KCNIP3: variants seen among roughly 807,000 people sequenced by gnomAD.
The protein encoded by KCNIP3 is potassium voltage-gated channel interacting protein 3.
A neutral mutation model predicts 35.0 loss-of-function variants in KCNIP3; 28 were observed. That is an observed-to-expected ratio of 0.80 (90% CI 0.59 to 1.10). KCNIP3 has a LOEUF of 1.10. Among genes scored for constraint, KCNIP3 ranks in the 50% least tolerant of loss-of-function variants. The pLI is 0.00. For synonymous variants in KCNIP3, 134 were observed against 133.8 expected (o/e 1.00, Z -0.01); for missense variants, 295 against 338.4 (o/e 0.87, Z 1.01).
Position 95,340,260 on chromosome 2 carries a change from T to C in KCNIP3, c.181+29740T>C, listed in dbSNP as rs1679162548. Among the ~76,000 whole-genome samples the C allele has an allele frequency of 2.0e-5, 3 of 152,134 alleles. No individual in the cohort carries two copies. In the South Asian group the frequency reaches 6.2e-4, roughly 32 times the overall value. The stretch of plus-strand genomic sequence containing the variant: ...GTGCGGCAGGAGAATCACTTGAACC[T>C]GGGAGGCAGAGGTTGCAGTGAGCTG... On this transcript the variant is annotated intron_variant, in intron 2 of 8. Transcript: ENST00000295225.
At chr2:95,372,433 C>G (rs983722399) in intron 2 of KCNIP3, among the ~76,000 whole-genome samples, 2 of 152,156 alleles carry the variant, frequency 1.3e-5, no homozygotes, top group Admixed American at 1.3e-4. Flanking sequence ...GCGTGGGATG[C>G]TGGTTTACAG....
At position 95,324,469 on chromosome 2, in the gene KCNIP3, C is replaced by T. The variant is rs559384371; in HGVS notation, c.181+13949C>T. ...GCGGAGCTTGCAGTAAGCGAGATTG[C>T]GCCACTGCACTCCAGCTTGGGCGAC... On this transcript the variant is annotated intron_variant, in intron 2 of 8. Transcript: ENST00000295225. Among the ~76,000 whole-genome samples the T allele has an allele frequency of 1.9e-3, 292 of 151,346 alleles. 1 individual carries two copies. Among genetic ancestry groups the T allele is most frequent in the Non-Finnish European group, 3.0e-3 (204 of 67,864 alleles).
intron 2 of KCNIP3, among the ~76,000 whole-genome samples, chr2:95,369,316 G>C (rs555849312): frequency 6.6e-6 from 1 of 152,162 alleles, no homozygotes; most frequent in East Asian, 1.9e-4. Context: ...ACCCCTCTTG[G>C]TGTGGTGTAT....
At chr2:95,357,818 C>A (rs1399312836) in intron 2 of KCNIP3, among the ~76,000 whole-genome samples, 1 of 152,196 alleles carries the variant, frequency 6.6e-6, no homozygotes, top group African/African-American at 2.4e-5. Flanking sequence ...AGCCTGGTGC[C>A]CTGCCTTGCT....
At chr2:95,324,513 A>AAAAT (rs1182517564) in intron 2 of KCNIP3, among the ~76,000 whole-genome samples, 1 of 56,278 alleles carries the variant, frequency 1.8e-5, no homozygotes, top group Non-Finnish European at 3.8e-5. Flanking sequence ...ACTCCGTCTC[A>AAAAT]AAATAAATAG....
At chr2:95,375,023 A>G (rs1680144893) in intron 4 of KCNIP3, 106 bp downstream of exon 4, 2 of 1,510,036 alleles carry the variant, frequency 1.3e-6, no homozygotes, top group East Asian at 2.3e-5. Flanking sequence ...GTCCCGTGGG[A>G]AACAGGGACT....
Position 95,382,379 on chromosome 2 carries a change from G to A in KCNIP3, c.558G>A (p.Glu186=). ...CTCATGCCAGCCTCCCCCTCCAGGAGATGCTGGCCATCATGAAGTCCATCT... is the reference window on the plus strand; with the variant it reads ...CTCATGCCAGCCTCCCCCTCCAGGAAATGCTGGCCATCATGAAGTCCATCT... ...INKDGYITKE[E]MLAIMKSIYD... is the part of the protein sequence containing the mutation. The change falls in exon 7 of 9, where the codon GAG becomes GAA. Residue 186 remains glutamate, a splice_region_variant and synonymous_variant. Coordinates refer to ENST00000295225, the MANE Select transcript of KCNIP3 (RefSeq NM_013434.5). The surrounding 1 kb of genome is among the most constrained non-coding windows in gnomAD (Gnocchi z 4.5). The A allele has an allele frequency of 6.3e-7, 1 of 1,582,156 alleles. No individual in the cohort carries two copies. Among genetic ancestry groups the A allele is most frequent in the Non-Finnish European group, 8.6e-7 (1 of 1,164,584 alleles).
intron 2 of KCNIP3, among the ~76,000 whole-genome samples, chr2:95,315,027 C>T (rs1452095287): frequency 4.6e-5 from 7 of 152,238 alleles, no homozygotes; most frequent in Admixed American, 1.3e-4. Context: ...GGGCACAGGA[C>T]GGGGACGGGA....
At chr2:95,321,152 TC>T (rs1211947432) in intron 2 of KCNIP3, among the ~76,000 whole-genome samples, 67 of 145,538 alleles carry the variant, frequency 4.6e-4, no homozygotes, top group African/African-American at 1.5e-4. Flanking sequence ...GGCCCTTTCC[TC>T]CCCGGCACCC....
intron 5 of KCNIP3, among the ~76,000 whole-genome samples, chr2:95,375,633 ACATCCCAGCCGGAGCAGCCTCCAGGGCT>A (rs1321187223): frequency 1.3e-5 from 2 of 152,136 alleles, no homozygotes; most frequent in Admixed American, 1.3e-4. Context: ...TATCTAGAAA[ACATCCCAGCCGGAGCAGCCTCCAGGGCT>A]CATCCCAGCT....
intron 2 of KCNIP3, among the ~76,000 whole-genome samples, chr2:95,360,846 T>A (rs1007309463): frequency 2.0e-5 from 3 of 152,236 alleles, no homozygotes; most frequent in Non-Finnish European, 4.4e-5. Context: ...GGGGCCCTCA[T>A]GGCCTGAACA....
intron 1 of KCNIP3, among the ~76,000 whole-genome samples, chr2:95,308,321 TTG>T (rs1243654494): frequency 6.6e-6 from 1 of 151,724 alleles, no homozygotes; most frequent in East Asian, 1.9e-4. Flanking sequence ...CGTGCAGGGG[TTG>T]TTGCCAAGGG....
chr2:95,355,043 C>G (rs1679621802), intron 2 of KCNIP3: 1 of 152,284 alleles, frequency 6.6e-6, no homozygotes, highest in African/African-American at 2.4e-5. Flanking sequence ...TGAGCAGGCT[C>G]GTTTCATCGA....
At chr2:95,330,786 G>A (rs1678909320) in intron 2 of KCNIP3, among the ~76,000 whole-genome samples, 2 of 152,200 alleles carry the variant, frequency 1.3e-5, no homozygotes, top group African/African-American at 4.8e-5. Flanking sequence ...GAAGCCGTGG[G>A]TCTCCTTGCC....
chr2:95,323,787 GTCCCTAGGGCCCCGCA>G lies in KCNIP3; in HGVS notation c.181+13268_181+13283del, dbSNP rs1461394795. On this transcript the variant is annotated intron_variant, in intron 2 of 8. Transcript: ENST00000295225. ...CCTCTCCCTAGCAGCCCCTGCCCTG[GTCCCTAGGGCCCCGCA>G]GGCCTTGGGGTGGCAGTGGCCTTGT... Among the ~76,000 whole-genome samples, 4 of 151,652 alleles carry G rather than the reference GTCCCTAGGGCCCCGCA, an allele frequency of 2.6e-5. No homozygotes were observed. In the East Asian group the frequency reaches 7.8e-4, roughly 30 times the overall value.
At chr2:95,372,112 A>G (rs1680054545) in intron 2 of KCNIP3, among the ~76,000 whole-genome samples, 1 of 152,078 alleles carries the variant, frequency 6.6e-6, no homozygotes, top group Non-Finnish European at 1.5e-5. Context: ...GCCTTAATAT[A>G]TCTTTGTATT....
intron 1 of KCNIP3, among the ~76,000 whole-genome samples, chr2:95,304,967 C>T (rs1226916370): frequency 6.6e-6 from 1 of 152,166 alleles, no homozygotes; most frequent in Non-Finnish European, 1.5e-5. Flanking sequence ...AAACTTGTGA[C>T]CTTTGAGAAG....
rs541381120 is a variant in KCNIP3 at position 95,357,013 on chromosome 2, C to T, written c.182-17283C>T. ...CCAGGGACTGCTGGGCCATGCTCGC[C>T]GGCGTGGGTGGCCTCTGCAGGAGAC... On this transcript the variant is annotated intron_variant, in intron 2 of 8. Coordinates refer to ENST00000295225, the MANE Select transcript of KCNIP3 (RefSeq NM_013434.5). Among the ~76,000 whole-genome samples, 69 of 152,302 alleles carry T rather than the reference C, an allele frequency of 4.5e-4. 1 individual carries two copies. The highest frequency in any genetic ancestry group is 9.8e-4 in the Admixed American group (15 of 15,306).
chr2:95,318,205 G>A (rs1268061472), intron 2 of KCNIP3, among the ~76,000 whole-genome samples: 1 of 152,106 alleles, frequency 6.6e-6, no homozygotes, highest in Admixed American at 6.5e-5. Flanking sequence ...GAGCAGATGG[G>A]GAGCCGCTGG....
Sources: gnomAD v4.1 joint callset for allele counts (sites outside exome capture counted in the v4.1 genomes callset) on GRCh38, gnomAD v4.1.1 for gene constraint, Gnocchi (gnomAD v3.1) non-coding constraint, MANE v1.5 for transcripts, NCBI Gene and HGNC (gene_info 2026-07-23, HGNC 2026-07-21) for gene names.